GPHN: variants seen among roughly 807,000 people sequenced by gnomAD.
The protein encoded by GPHN is gephyrin.
GPHN carries 17 observed loss-of-function variants against 95.5 expected under a neutral mutation model. The observed-to-expected ratio is 0.18, with a 90% CI of 0.12 to 0.27. The LOEUF is 0.27. Among genes scored for constraint, GPHN ranks in the 10% least tolerant of loss-of-function variants. The pLI is 1.00. For synonymous variants in GPHN, 320 were observed against 322.5 expected (o/e 0.99, Z 0.08); for missense variants, 660 against 978.1 (o/e 0.67, Z 4.34).
Position 67,164,637 on chromosome 14 carries a change from G to A in GPHN, c.1911-525G>A, listed in dbSNP as rs573526098. Among the ~76,000 whole-genome samples the A allele has an allele frequency of 3.3e-5, 5 of 152,012 alleles. No homozygotes were observed. In the East Asian group the frequency reaches 5.8e-4, roughly 18 times the overall value. ...CTCCCGAGTAGCTGGGATTACAGGC[G>A]CACACCACCATGCCTGGCAAATTTT... is the stretch of plus-strand genomic sequence containing the variant. On this transcript the variant is annotated intron_variant, in intron 19 of 22. Transcript: ENST00000478722.
chr14:67,453,582 T>TGGG, the GPHN span, among the ~76,000 whole-genome samples: 2 of 152,258 alleles, frequency 1.3e-5, no homozygotes, highest in African/African-American at 4.8e-5. Context: ...AAGATGCTGA[T>TGGG]GGCCTGAGCT....
intron 10 of GPHN, among the ~76,000 whole-genome samples, chr14:67,045,076 T>C (rs1285576764): frequency 3.3e-5 from 5 of 152,158 alleles, no homozygotes; most frequent in African/African-American, 1.2e-4. Flanking sequence ...AATCTGGGTT[T>C]GCTTCTCCCT....
chr14:67,510,788 G>A, the GPHN span, among the ~76,000 whole-genome samples: 1 of 152,158 alleles, frequency 6.6e-6, no homozygotes, highest in African/African-American at 2.4e-5. Flanking sequence ...GGACAGCAAT[G>A]AAAAAGGAGA....
intron 10 of GPHN, among the ~76,000 whole-genome samples, chr14:67,057,198 T>G (rs8019510): frequency 6.6e-6 from 1 of 151,460 alleles, no homozygotes; most frequent in Non-Finnish European, 1.5e-5. Flanking sequence ...GTGCCAAGAG[T>G]GAGTGGGGGC....
At chr14:67,689,107 T>A in the GPHN span, among the ~76,000 whole-genome samples, 29 of 152,224 alleles carry the variant, frequency 1.9e-4, no homozygotes, top group African/African-American at 6.8e-4. Context: ...CCTAGCTCCC[T>A]GATCAACTCT....
At chr14:66,899,357 A>G (rs904664447) in intron 5 of GPHN, among the ~76,000 whole-genome samples, 5 of 151,822 alleles carry the variant, frequency 3.3e-5, no homozygotes, top group Admixed American at 2.6e-4. Flanking sequence ...TTGGGGAGAA[A>G]GCACTCAATG....
At chr14:67,317,731 A>G in the GPHN span, among the ~76,000 whole-genome samples, 1 of 152,230 alleles carries the variant, frequency 6.6e-6, no homozygotes. Context: ...ACTCTTTGCA[A>G]AAATTATACT....
the GPHN span, among the ~76,000 whole-genome samples, chr14:67,344,904 CAAAA>C: frequency 6.7e-6 from 1 of 149,892 alleles, no homozygotes; most frequent in South Asian, 2.1e-4. Context: ...AACAAACAAA[CAAAA>C]AAAACAAGAG....
intron 2 of GPHN, among the ~76,000 whole-genome samples, chr14:66,684,544 C>A (rs1440585067): frequency 6.6e-6 from 1 of 152,132 alleles, no homozygotes; most frequent in Non-Finnish European, 1.5e-5. Context: ...GCTAATGGAA[C>A]AATGATAGGT....
At chr14:66,623,729 CAAG>C (rs2153322144) in intron 1 of GPHN, among the ~76,000 whole-genome samples, 2 of 151,902 alleles carry the variant, frequency 1.3e-5, no homozygotes, top group South Asian at 4.2e-4. Flanking sequence ...TCAGCTGCCT[CAAG>C]GAGAAAACTA....
At chr14:67,228,543 T>A in the GPHN span, 1,835 of 152,086 alleles carry the variant, frequency 0.012, 18 homozygotes, top group Non-Finnish European at 0.018. Flanking sequence ...CTATGACTAA[T>A]CATTACGAAT....
intron 2 of GPHN, among the ~76,000 whole-genome samples, chr14:66,715,888 G>A (rs1200964228): frequency 6.6e-6 from 1 of 151,936 alleles, no homozygotes; most frequent in East Asian, 1.9e-4. Context: ...GAGGCTTGTT[G>A]TTTTGTGGCA....
the GPHN span, chr14:67,533,852 A>G: frequency 6.6e-6 from 1 of 152,102 alleles, no homozygotes; most frequent in Admixed American, 6.5e-5. Flanking sequence ...TCAAGCAGAA[A>G]AGAAAACAGG....
At chr14:66,585,140 T>C (rs185338539) in intron 1 of GPHN, among the ~76,000 whole-genome samples, 61 of 152,338 alleles carry the variant, frequency 4.0e-4, no homozygotes, top group East Asian at 5.8e-4. Context: ...TCCAGGAATT[T>C]ATCCATTTCT....
intron 10 of GPHN, among the ~76,000 whole-genome samples, chr14:67,031,807 CTTA>C (rs1203383000): frequency 1.3e-5 from 2 of 152,040 alleles, no homozygotes; most frequent in Non-Finnish European, 2.9e-5. Flanking sequence ...TCTTATTTCT[CTTA>C]TTTTTCTCGG....
intron 1 of GPHN, among the ~76,000 whole-genome samples, chr14:66,622,284 C>T (rs2063341844): frequency 6.6e-6 from 1 of 152,138 alleles, no homozygotes; most frequent in Non-Finnish European, 1.5e-5. Flanking sequence ...GGATGCAGGG[C>T]ACCACCTTTC....
chr14:67,475,016 A>G, the GPHN span, among the ~76,000 whole-genome samples: 1 of 150,626 alleles, frequency 6.6e-6, no homozygotes, highest in African/African-American at 2.5e-5. Context: ...CCTGGGTTCA[A>G]GCGATTCTCC....
rs527891576 is a variant in GPHN, at chr14:67,177,976, G to A, written c.2080-1602G>A. ...ATTTGTGTCTTTGCATGTGAGATGG[G>A]TCTCCTGAATACAGCACACCGATGG... On this transcript the variant is annotated intron_variant, in intron 21 of 22. Transcript: ENST00000478722. 2.6e-5 allele frequency among the ~76,000 whole-genome samples: 4 copies of A among 152,214 alleles called. No homozygotes were observed. In the South Asian group the frequency reaches 6.2e-4, roughly 24 times the overall value.
At chr14:66,908,846 CA>C (rs111376119) in intron 5 of GPHN, among the ~76,000 whole-genome samples, 1,327 of 121,300 alleles carry the variant, frequency 0.011, 12 homozygotes, top group African/African-American at 0.015. Flanking sequence ...GGGCATTCTG[CA>C]AAAAAAAAAA....
Sources: allele counts gnomAD v4.1 joint callset (sites outside exome capture counted in the v4.1 genomes callset), GRCh38; gene constraint gnomAD v4.1.1; transcripts MANE v1.5; gene names NCBI Gene and HGNC (gene_info 2026-07-23, HGNC 2026-07-21).